Variants in DISP1 observed in about 807,000 individuals in gnomAD.
The protein encoded by DISP1 is dispatched RND transporter family member 1.
Under a neutral mutation model 37.3 loss-of-function variants are expected in DISP1, and 30 were observed. The ratio of observed to expected loss-of-function variants is 0.80; its 90% CI spans 0.60 to 1.09. The LOEUF is 1.09. Among genes scored for constraint, DISP1 ranks in the 50% least tolerant of loss-of-function variants. DISP1 has a pLI of 0.00. For missense variants in DISP1, 1,598 were observed against 1,879.5 expected (o/e 0.85, Z 2.77); for synonymous variants, 634 against 690.2 (o/e 0.92, Z 1.28).
intron 1 of DISP1, among the ~76,000 whole-genome samples, chr1:222,892,322 G>A (rs1386937713): frequency 6.6e-6 from 1 of 152,144 alleles, no homozygotes; most frequent in African/African-American, 2.4e-5. Context: ...AAAGCTTCAC[G>A]TCTTATTGTG....
chr1:222,895,647 G>A (rs1406545212), intron 1 of DISP1, among the ~76,000 whole-genome samples: 3 of 152,174 alleles, frequency 2.0e-5, no homozygotes, highest in African/African-American at 7.2e-5. Flanking sequence ...AGTCCTGAAA[G>A]ACTCACACAT....
chr1:222,991,747 G>T (rs750272415), intron 6 of DISP1, 100 bp downstream of exon 6: 5 of 1,348,626 alleles, frequency 3.7e-6, no homozygotes, highest in African/African-American at 2.9e-5. Context: ...TGTAAAATGT[G>T]TGGCTCAAAA....
At chr1:222,836,520 A>C (rs1221341223) in intron 1 of DISP1, among the ~76,000 whole-genome samples, 1 of 152,172 alleles carries the variant, frequency 6.6e-6, no homozygotes, top group African/African-American at 2.4e-5. Context: ...TCAGGAACCC[A>C]GGGTCTGTAC....
At chr1:222,983,182 G>A (rs1015430078) in intron 4 of DISP1, 73 bp downstream of exon 4, 66 of 1,153,510 alleles carry the variant, frequency 5.7e-5, no homozygotes, top group Middle Eastern at 3.9e-4. Context: ...TATTTTCTCC[G>A]TATTTTGCTG....
intron 3 of DISP1, among the ~76,000 whole-genome samples, chr1:222,975,553 C>T (rs1677251831): frequency 1.3e-5 from 2 of 152,236 alleles, no homozygotes; most frequent in Admixed American, 6.5e-5. Context: ...CCCTTTCACA[C>T]TCCTTTTTTT....
intron 8 of DISP1, among the ~76,000 whole-genome samples, chr1:222,998,306 C>T (rs191765451): frequency 3.2e-3 from 489 of 150,968 alleles, no homozygotes; most frequent in Non-Finnish European, 4.9e-3. Flanking sequence ...TTAAATGGGG[C>T]GCAACCAAGC....
At chr1:222,940,141 A>AG (rs1360303314) in intron 2 of DISP1, among the ~76,000 whole-genome samples, 1 of 151,906 alleles carries the variant, frequency 6.6e-6, no homozygotes, top group Non-Finnish European at 1.5e-5. Context: ...AAAAAAGAAA[A>AG]GAAAAAAAAA....
At chr1:222,859,330 G>A (rs1385033630) in intron 1 of DISP1, among the ~76,000 whole-genome samples, 1 of 152,168 alleles carries the variant, frequency 6.6e-6, no homozygotes, top group African/African-American at 2.4e-5. Flanking sequence ...GGGGCCTGTC[G>A]GGAGGTGGAG....
In DISP1 at chr1:222,985,314, C is replaced by T. The variant is rs186401192; in HGVS notation, c.539+2205C>T. 3.6e-3 allele frequency among the ~76,000 whole-genome samples: 544 copies of T among 152,282 alleles called. 1 individual carries two copies. The highest frequency in any genetic ancestry group is 5.1e-3 in the Non-Finnish European group (346 of 68,024). On this transcript the variant is annotated intron_variant, in intron 4 of 8. Coordinates refer to ENST00000675850, the MANE Select transcript of DISP1 (RefSeq NM_001377229.1). ...CACCTTGGCTGGAACTTATTGCTTC[C>T]CTTATTGAATTCACAAAACATTTCA... is the stretch of plus-strand genomic sequence containing the variant.
At chr1:222,901,577 G>T (rs1378882920) in intron 1 of DISP1, among the ~76,000 whole-genome samples, 3 of 152,074 alleles carry the variant, frequency 2.0e-5, no homozygotes, top group East Asian at 1.9e-4. Flanking sequence ...ACCTGGGCTG[G>T]AGTGCAGTGG....
chr1:222,825,755 G>A (rs959464671), intron 1 of DISP1, among the ~76,000 whole-genome samples: 3 of 152,184 alleles, frequency 2.0e-5, no homozygotes, highest in East Asian at 1.9e-4. Flanking sequence ...CGGCGGCCTC[G>A]GCCTCCCAAA....
intron 1 of DISP1, among the ~76,000 whole-genome samples, chr1:222,905,433 T>C (rs970207772): frequency 6.6e-6 from 1 of 152,174 alleles, no homozygotes; most frequent in Non-Finnish European, 1.5e-5. Flanking sequence ...AATTAAAGAA[T>C]AACTGCATTT....
chr1:222,895,123 A>AG (rs1671175054), intron 1 of DISP1, among the ~76,000 whole-genome samples: 1 of 152,206 alleles, frequency 6.6e-6, no homozygotes, highest in South Asian at 2.1e-4. Flanking sequence ...TTCTTTCCAA[A>AG]GGAGTACACT....
intron 1 of DISP1, among the ~76,000 whole-genome samples, chr1:222,824,197 A>G (rs1338920029): frequency 6.6e-6 from 1 of 152,116 alleles, no homozygotes; most frequent in African/African-American, 2.4e-5. Context: ...TTTTCCACCA[A>G]AGAGGAAAAG....
chr1:222,995,035 G>A, intron 8 of DISP1, 53 bp downstream of exon 8: 1 of 1,412,732 alleles, frequency 7.1e-7, no homozygotes, highest in Non-Finnish European at 1.0e-6. Context: ...TTGTATTATT[G>A]AAACTCCTTT....
intron 3 of DISP1, among the ~76,000 whole-genome samples, chr1:222,958,329 A>T (rs1675781592): frequency 6.6e-6 from 1 of 152,222 alleles, no homozygotes. Context: ...ATAGCCATTG[A>T]ATGCTTAAAT....
chr1:222,956,781 A>T (rs1675631445), intron 3 of DISP1, among the ~76,000 whole-genome samples: 1 of 151,874 alleles, frequency 6.6e-6, no homozygotes, highest in African/African-American at 2.4e-5. Flanking sequence ...GTTTAATAAG[A>T]TTTTTCTGGC....
intron 3 of DISP1, among the ~76,000 whole-genome samples, chr1:222,966,057 T>C (rs1216691546): frequency 6.6e-6 from 1 of 152,076 alleles, no homozygotes; most frequent in African/African-American, 2.4e-5. Context: ...GATGGATGGA[T>C]AGATAGAGAT....
intron 1 of DISP1, among the ~76,000 whole-genome samples, chr1:222,927,041 G>C (rs1673125035): frequency 6.6e-6 from 1 of 151,822 alleles, no homozygotes; most frequent in Non-Finnish European, 1.5e-5. Flanking sequence ...AGGATCAACT[G>C]TACTGGGAGT....
Sources: allele counts gnomAD v4.1 joint callset (sites outside exome capture counted in the v4.1 genomes callset), GRCh38; gene constraint gnomAD v4.1.1; transcripts MANE v1.5; gene names NCBI Gene and HGNC (gene_info 2026-07-23, HGNC 2026-07-21).